The following MALRD1 variants were observed in gnomAD, a reference collection of about 807,000 sequenced individuals.
MALRD1 encodes the protein MAM and LDL-receptor class A domain-containing protein 1.
A neutral mutation model predicts 242.1 loss-of-function variants in MALRD1; 247 were observed. That is an observed-to-expected ratio of 1.02 (90% CI 0.92 to 1.13). The LOEUF (loss-of-function observed/expected upper bound fraction) is 1.13, where lower values mean the gene tolerates loss of function less well. Ranked by LOEUF, MALRD1 falls within the 50% of genes most tolerant of loss-of-function variation. The pLI, the probability that MALRD1 is intolerant of heterozygous loss-of-function variation, is 0.00. For missense variants in MALRD1, 2,989 were observed against 2,533.1 expected, an observed-to-expected ratio of 1.18 and a Z score of -3.86; for synonymous variants, 995 against 866.6, an observed-to-expected ratio of 1.15 and a Z score of -2.60.
chr10:19,561,160 A>G (rs1433430625), intron 32 of MALRD1, among the ~76,000 whole-genome samples: 1 of 152,136 alleles, frequency 6.6e-6, no homozygotes, highest in African/African-American at 2.4e-5. Flanking sequence ...ATTGACTTCT[A>G]GTTTAATTCC....
intron 36 of MALRD1, among the ~76,000 whole-genome samples, chr10:19,687,500 G>A (rs1842626090): frequency 6.6e-6 from 1 of 152,080 alleles, no homozygotes; most frequent in South Asian, 2.1e-4. Flanking sequence ...TCTGGTTGGT[G>A]TCAGCCTAGC....
chr10:19,216,119 C>CTTTCT (rs1554812815), intron 18 of MALRD1, among the ~76,000 whole-genome samples: 93 of 122,814 alleles, frequency 7.6e-4, no homozygotes, highest in African/African-American at 2.6e-3. Context: ...TTCTTTCTTT[C>CTTTCT]TTTTTTTTTT....
intron 18 of MALRD1, among the ~76,000 whole-genome samples, chr10:19,214,908 C>T (rs1463388650): frequency 6.6e-6 from 1 of 152,114 alleles, no homozygotes; most frequent in Non-Finnish European, 1.5e-5. Context: ...TAAAGCTTTC[C>T]CAGGTATTTT....
chr10:19,654,502 A>G (rs1054535642), intron 36 of MALRD1, among the ~76,000 whole-genome samples: 2 of 152,214 alleles, frequency 1.3e-5, no homozygotes, highest in African/African-American at 4.8e-5. Flanking sequence ...TGAATCCAAA[A>G]GGAGAGTCAT....
At chr10:19,692,213 A>T (rs1370037354) in intron 36 of MALRD1, 69 bp from the exon 37 acceptor site, 2 of 1,138,160 alleles carry the variant, frequency 1.8e-6, no homozygotes, top group Non-Finnish European at 2.5e-6. Context: ...ATTTTATCCC[A>T]TGCCAGTTGT....
intron 29 of MALRD1, among the ~76,000 whole-genome samples, chr10:19,464,269 C>T (rs371616408): frequency 1.4e-4 from 21 of 152,114 alleles, no homozygotes; most frequent in African/African-American, 1.9e-4. Flanking sequence ...GGTTCTTGGT[C>T]GTGAAGTCTT....
At chr10:19,055,559 T>C (rs1834638761) in intron 1 of MALRD1, among the ~76,000 whole-genome samples, 1 of 152,220 alleles carries the variant, frequency 6.6e-6, no homozygotes, top group Non-Finnish European at 1.5e-5. Flanking sequence ...AAGTCTTTAA[T>C]CCATTTCAAG....
intron 36 of MALRD1, among the ~76,000 whole-genome samples, chr10:19,667,966 T>C (rs1841750075): frequency 6.6e-6 from 1 of 152,082 alleles, no homozygotes; most frequent in South Asian, 2.1e-4. Context: ...AGATGGTGCC[T>C]TTTTGCTGTG....
chr10:19,197,042 A>G (rs1344276293), intron 14 of MALRD1, among the ~76,000 whole-genome samples: 1 of 152,152 alleles, frequency 6.6e-6, no homozygotes, highest in Admixed American at 6.6e-5. Context: ...AGGCCTCAGG[A>G]AACTCACAAT....
At chr10:19,459,047 G>C (rs1835808188) in intron 29 of MALRD1, among the ~76,000 whole-genome samples, 1 of 152,038 alleles carries the variant, frequency 6.6e-6, no homozygotes, top group Non-Finnish European at 1.5e-5. Flanking sequence ...TTAACATTGA[G>C]TTTTCCAGTT....
chr10:19,647,528 A>G (rs1440166554), intron 36 of MALRD1, among the ~76,000 whole-genome samples: 1 of 152,184 alleles, frequency 6.6e-6, no homozygotes, highest in Non-Finnish European at 1.5e-5. Context: ...AAAGTGGAAC[A>G]TACTTGGATC....
At chr10:19,580,506 C>T (rs1050152788) in intron 33 of MALRD1, among the ~76,000 whole-genome samples, 1 of 152,160 alleles carries the variant, frequency 6.6e-6, no homozygotes, top group Non-Finnish European at 1.5e-5. Context: ...GCTATCTTCT[C>T]CAAAACTCCT....
chr10:19,269,811 A>C (rs1840128780), intron 19 of MALRD1, among the ~76,000 whole-genome samples: 1 of 152,236 alleles, frequency 6.6e-6, no homozygotes, highest in Non-Finnish European at 1.5e-5. Context: ...AATAGGACTA[A>C]GAATTATGAA....
At chr10:19,677,408 G>C (rs1240124218) in intron 36 of MALRD1, among the ~76,000 whole-genome samples, 1 of 152,172 alleles carries the variant, frequency 6.6e-6, no homozygotes, top group African/African-American at 2.4e-5. Context: ...TTTTTCTAAT[G>C]ATCAGTGATG....
intron 8 of MALRD1, among the ~76,000 whole-genome samples, chr10:19,132,738 G>A (rs1490153885): frequency 1.3e-5 from 2 of 151,984 alleles, no homozygotes; most frequent in African/African-American, 2.4e-5. Flanking sequence ...TTACCATATT[G>A]TTACCTAAAA....
intron 32 of MALRD1, among the ~76,000 whole-genome samples, chr10:19,547,151 C>G (rs1283893150): frequency 1.3e-5 from 2 of 152,086 alleles, no homozygotes; most frequent in African/African-American, 4.8e-5. Context: ...GAGACATTTT[C>G]TTGGTGCTTT....
chr10:19,524,766 G>A (rs186779087), intron 31 of MALRD1, among the ~76,000 whole-genome samples: 36 of 152,252 alleles, frequency 2.4e-4, no homozygotes, highest in Middle Eastern at 3.4e-3. Flanking sequence ...ATTTAAAGCA[G>A]GGATTGAATT....
chr10:19,506,612 A>G (rs923490974), intron 31 of MALRD1, among the ~76,000 whole-genome samples: 2 of 152,132 alleles, frequency 1.3e-5, no homozygotes, highest in Admixed American at 1.3e-4. Context: ...ATATACATGT[A>G]TATATTCTAA....
Position 19,311,411 on chromosome 10 carries a change from T to A in MALRD1, c.3420-12538T>A, listed in dbSNP as rs371315995. Among the ~76,000 whole-genome samples the A allele has an allele frequency of 1.1e-3, 164 of 151,572 alleles. 1 individual carries two copies. The highest frequency in any genetic ancestry group is 3.7e-3 in the African/African-American group (155 of 41,470). ...TAAATATCTAAATTTCCTGCTGGTG[T>A]TTACCTTTTATTCCCTTTTAAATTA... On this transcript the variant is annotated intron_variant, in intron 21 of 39. Coordinates refer to ENST00000454679, the MANE Select transcript of MALRD1 (RefSeq NM_001142308.3).
Sources: gnomAD v4.1 joint callset for allele counts (sites outside exome capture counted in the v4.1 genomes callset) on GRCh38, gnomAD v4.1.1 for gene constraint, MANE v1.5 for transcripts, NCBI Gene and HGNC (gene_info 2026-07-23, HGNC 2026-07-21) for gene names.